The following ZFHX3 variants were observed in gnomAD, a reference collection of about 807,000 sequenced individuals.
The protein encoded by ZFHX3 is zinc finger homeobox protein 3.
ZFHX3 carries 42 observed loss-of-function variants against 279.1 expected under a neutral mutation model. That is an observed-to-expected ratio of 0.15 (90% CI 0.12 to 0.19). The LOEUF is 0.19. ZFHX3 is among the 10% of genes least tolerant of loss of function. ZFHX3 has a pLI of 1.00. For synonymous variants in ZFHX3, 2,293 were observed against 1,957.8 expected, an observed-to-expected ratio of 1.17 and a Z score of -4.52; for missense variants, 4,981 against 4,754.0, an observed-to-expected ratio of 1.05 and a Z score of -1.40.
intron 7 of ZFHX3, among the ~76,000 whole-genome samples, chr16:73,100,640 C>T (rs1055049076): frequency 6.7e-6 from 1 of 148,978 alleles, no homozygotes; most frequent in Non-Finnish European, 1.5e-5. Context: ...AGTGCAGTGG[C>T]GCAACCTTGC....
chr16:73,121,361 AATAAAATATATTATTAAGATT>A (rs1388403377), intron 7 of ZFHX3, among the ~76,000 whole-genome samples: 1 of 152,212 alleles, frequency 6.6e-6, no homozygotes, highest in Non-Finnish European at 1.5e-5. Context: ...TATTGGGTTG[AATAAAATATATTATTAAGATT>A]ATTTTCACCT....
intron 1 of ZFHX3, among the ~76,000 whole-genome samples, chr16:73,694,742 G>C (rs904780822): frequency 1.3e-5 from 2 of 152,200 alleles, no homozygotes; most frequent in Non-Finnish European, 1.5e-5. Flanking sequence ...CTAAGTTTTT[G>C]TGTTGAGAAT....
chr16:73,169,645 T>C (rs1362030591), intron 5 of ZFHX3, among the ~76,000 whole-genome samples: 1 of 148,998 alleles, frequency 6.7e-6, no homozygotes, highest in Admixed American at 6.7e-5. Context: ...GGCGACAGAG[T>C]GAGACGATGT....
chr16:73,118,709 T>C (rs1366353981), intron 7 of ZFHX3, among the ~76,000 whole-genome samples: 1 of 152,238 alleles, frequency 6.6e-6, no homozygotes, highest in Non-Finnish European at 1.5e-5. Context: ...TACAAGCCTC[T>C]GGGCTCTTGC....
intron 2 of ZFHX3, among the ~76,000 whole-genome samples, chr16:73,517,904 A>C (rs2019550248): frequency 6.6e-6 from 1 of 152,260 alleles, no homozygotes; most frequent in South Asian, 2.1e-4. Flanking sequence ...CCACATTAAA[A>C]AACATAAAAA....
intron 3 of ZFHX3, among the ~76,000 whole-genome samples, chr16:73,398,843 A>G (rs4011544): frequency 0.7 from 105,737 of 151,428 alleles, 37,116 homozygotes; most frequent in Non-Finnish European, 0.74. Context: ...AAGTACACTT[A>G]TAAGTGGCAG....
At chr16:73,680,404 C>T (rs1282425235) in intron 1 of ZFHX3, among the ~76,000 whole-genome samples, 5 of 152,160 alleles carry the variant, frequency 3.3e-5, no homozygotes, top group African/African-American at 9.7e-5. Flanking sequence ...GGTCACGGCT[C>T]GAATGAATGT....
intron 2 of ZFHX3, among the ~76,000 whole-genome samples, chr16:73,573,811 A>G (rs2051767417): frequency 6.6e-6 from 1 of 152,178 alleles, no homozygotes; most frequent in African/African-American, 2.4e-5. Flanking sequence ...CAATGTAATG[A>G]CCTATTACAC....
At chr16:73,253,684 T>G (rs2013579064) in intron 5 of ZFHX3, among the ~76,000 whole-genome samples, 1 of 151,998 alleles carries the variant, frequency 6.6e-6, no homozygotes, top group South Asian at 2.1e-4. Context: ...CTTGATCTCC[T>G]GACCTCGTGA....
intron 1 of ZFHX3, among the ~76,000 whole-genome samples, chr16:73,055,787 C>A (rs1187652858): frequency 6.6e-6 from 1 of 150,454 alleles, no homozygotes; most frequent in East Asian, 2.0e-4. Flanking sequence ...TTTCTTGGCC[C>A]ACACCACTGA....
At chr16:72,868,947 T>C (rs1328173948) in intron 4 of ZFHX3, among the ~76,000 whole-genome samples, 3 of 151,398 alleles carry the variant, frequency 2.0e-5, no homozygotes, top group Non-Finnish European at 4.4e-5. Flanking sequence ...AAGCTGACGA[T>C]GATTTGACAT....
intron 4 of ZFHX3, among the ~76,000 whole-genome samples, chr16:72,835,003 T>C (rs1400082063): frequency 6.6e-6 from 1 of 152,156 alleles, no homozygotes; most frequent in Non-Finnish European, 1.5e-5. Flanking sequence ...AAAGCCCCCA[T>C]AGTGCCTCAG....
At position 73,261,668 on chromosome 16, in the gene ZFHX3, G is replaced by GTTTTTTTT. The variant is rs1187489542; in HGVS notation, c.-1193-4540_-1193-4533dup. 1.8e-3 allele frequency among the ~76,000 whole-genome samples: 147 copies of GTTTTTTTT among 80,702 alleles called. 20 individuals are homozygous for GTTTTTTTT. The highest frequency in any genetic ancestry group is 3.3e-3 in the South Asian group (6 of 1,846). 52.9% of individuals were successfully genotyped at this position (80,702 alleles called of 152,430 possible). The stretch of plus-strand genomic sequence containing the variant: ...TATAAATATAAACATTCCTGTGATT[G>GTTTTTTTT]TTTTTTTTTTTTTTTTTTTTTTTTA... On this transcript the variant is annotated intron_variant, in intron 4 of 17. Coordinates refer to the ZFHX3 transcript ENST00000641206.
intron 4 of ZFHX3, among the ~76,000 whole-genome samples, chr16:72,861,484 T>A (rs1273386318): frequency 2.6e-5 from 4 of 152,068 alleles, no homozygotes; most frequent in African/African-American, 9.7e-5. Flanking sequence ...ACGTGCACAT[T>A]TCATTACACC....
intron 1 of ZFHX3, among the ~76,000 whole-genome samples, chr16:73,837,010 T>A (rs1597137416): frequency 6.6e-6 from 1 of 152,338 alleles, no homozygotes; most frequent in Non-Finnish European, 1.5e-5. Context: ...GATGCCATGG[T>A]TCTTGGACTT....
chr16:73,195,867 G>A (rs1035934687), intron 5 of ZFHX3, among the ~76,000 whole-genome samples: 3 of 152,182 alleles, frequency 2.0e-5, no homozygotes, highest in Non-Finnish European at 4.4e-5. Context: ...GGTGGTTGCA[G>A]AAGAGATGGA....
At chr16:73,804,915 G>GAGGGAGAGGGAGGGAGGGAGC (rs1213343893) in intron 1 of ZFHX3, among the ~76,000 whole-genome samples, 1 of 119,094 alleles carries the variant, frequency 8.4e-6, no homozygotes, top group African/African-American at 4.0e-5. Context: ...GGGAGGGAGG[G>GAGGGAGAGGGAGGGAGGGAGC]GAGGGAGAGG....
intron 8 of ZFHX3, among the ~76,000 whole-genome samples, chr16:73,076,591 C>G (rs1315469768): frequency 6.6e-6 from 1 of 152,212 alleles, no homozygotes; most frequent in Admixed American, 6.5e-5. Flanking sequence ...AAAGTAATAT[C>G]ATCACTGTTT....
At chr16:73,566,959 A>G (rs1362206217) in intron 2 of ZFHX3, among the ~76,000 whole-genome samples, 1 of 152,120 alleles carries the variant, frequency 6.6e-6, no homozygotes, top group Non-Finnish European at 1.5e-5. Context: ...TTGGCCTCCC[A>G]AAGTGTTGGG....
Sources: allele counts gnomAD v4.1 joint callset (sites outside exome capture counted in the v4.1 genomes callset), GRCh38; gene constraint gnomAD v4.1.1; transcripts MANE v1.5; gene names NCBI Gene and HGNC (gene_info 2026-07-23, HGNC 2026-07-21).